APC: variants seen among roughly 807,000 people sequenced by gnomAD.
APC encodes the protein APC regulator of Wnt signaling pathway.
A neutral mutation model predicts 247.0 loss-of-function variants in APC; 72 were observed. The observed-to-expected ratio is 0.29, with a 90% confidence interval of 0.24 to 0.35. APC has a LOEUF of 0.35. Ranked by LOEUF, APC falls within the 10% of genes least tolerant of loss-of-function variation. The pLI is 1.00. For synonymous variants in APC, 1,254 were observed against 1,162.5 expected (o/e 1.08, Z -1.60); for missense variants, 3,400 against 3,360.7 (o/e 1.01, Z -0.29).
rs750939013 is a variant in APC, at chr5:112,843,764, T to C, written c.8170T>C (p.Ser2724Pro). 1.2e-6 allele frequency: 2 copies of C among 1,613,924 alleles called. No homozygotes were observed. Among genetic ancestry groups the C allele is most frequent in the South Asian group, 2.2e-5 (2 of 91,072 alleles). Residue 2724 changes from serine (S) to proline (P), a missense_variant, in exon 16 of 16, where the codon TCC (serine) becomes CCC (proline). Transcript: ENST00000257430. This position sits in a 1 kb window ranked among gnomAD's most constrained non-coding sequence, Gnocchi z 4.8. The stretch of plus-strand genomic sequence containing the variant: ...CGTGGGTTTGGAAAATCGCCTGAAC[T>C]CCTTTATTCAGGTGGATGCCCCTGA... ...RTVGLENRLN[S>P]FIQVDAPDQK...
intron 11 of APC, among the ~76,000 whole-genome samples, chr5:112,825,422 G>T (rs987337695): frequency 2.6e-5 from 4 of 152,144 alleles, no homozygotes; most frequent in Non-Finnish European, 5.9e-5. Flanking sequence ...ATGTGATCCG[G>T]CATCTACCCA....
chr5:112,817,578 A>G (rs1295817584), intron 9 of APC, among the ~76,000 whole-genome samples: 1 of 152,212 alleles, frequency 6.6e-6, no homozygotes, highest in Non-Finnish European at 1.5e-5. Context: ...CTCAACATGT[A>G]GTTTTTACTA....
rs756859993 is a variant in APC at position 112,837,578 on chromosome 5, C to T, written c.1984C>T (p.Leu662=). The change falls in exon 16 of 16, where the codon CTA becomes TTA. Residue 662 remains leucine (L), a synonymous_variant. Coordinates refer to ENST00000257430, the MANE Select transcript of APC (RefSeq NM_000038.6). ...HRQILRENNC[L]QTLLQHLKSH... Reference sequence around the variant, plus strand: ...GCAAATCCTAAGAGAGAACAACTGTCTACAAACTTTATTACAACACTTAAA... The same window carrying T: ...GCAAATCCTAAGAGAGAACAACTGTTTACAAACTTTATTACAACACTTAAA... The T allele has an allele frequency of 6.2e-7, 1 of 1,612,916 alleles. No individual in the cohort carries two copies. Among genetic ancestry groups the T allele is most frequent in the Non-Finnish European group, 8.5e-7 (1 of 1,179,034 alleles).
At chr5:112,787,044 CG>C (rs771549635) in intron 6 of APC, among the ~76,000 whole-genome samples, 1 of 151,996 alleles carries the variant, frequency 6.6e-6, no homozygotes, top group African/African-American at 2.4e-5. Context: ...TGTGCCACCA[CG>C]CCTGGCTAAT....
chr5:112,842,825 A>G lies in APC; in HGVS notation c.7231A>G (p.Asn2411Asp), dbSNP rs1229029812. Residue 2411 changes from asparagine to aspartate, a missense_variant, in exon 16 of 16, where the codon AAT becomes GAT. By Grantham distance (23) the Asn-to-Asp change is conservative. Around this residue, in one of 9 missense-constraint regions of APC, gnomAD observed 1,788 missense variants for 1,649.5 expected, o/e 1.08. Transcript: ENST00000257430. The part of the protein sequence containing the change: ...LNQMNNGNGA[N>D]KKVELSRMSS... The stretch of plus-strand genomic sequence containing the variant: ...TCAGATGAATAATGGTAATGGAGCC[A>G]ATAAAAAGGTAGAACTTTCTAGAAT... 1 of 1,613,672 alleles carries G rather than the reference A, an allele frequency of 6.2e-7. No homozygotes were observed. Among genetic ancestry groups the G allele is most frequent in the African/African-American group, 1.3e-5 (1 of 74,926 alleles).
rs78434833 is a variant in APC at position 112,787,169 on chromosome 5, T to C, written c.646-5277T>C. ...TCCCAAAATGTTGAGATTACAGGCGTGAGCCACCACTCTCGGCCTCAACCG... is the reference window on the plus strand; with the variant it reads ...TCCCAAAATGTTGAGATTACAGGCGCGAGCCACCACTCTCGGCCTCAACCG... On this transcript the variant is annotated intron_variant, in intron 6 of 15. Coordinates refer to ENST00000257430, the MANE Select transcript of APC (RefSeq NM_000038.6). Among the ~76,000 whole-genome samples the C allele has an allele frequency of 4.6e-5, 7 of 152,272 alleles. No individual in the cohort carries two copies. In the East Asian group the frequency reaches 1.2e-3, roughly 25 times the overall value.
At chr5:112,791,776 T>C (rs368566409) in intron 6 of APC, among the ~76,000 whole-genome samples, 1 of 152,366 alleles carries the variant, frequency 6.6e-6, no homozygotes. Context: ...AAAGATTAAA[T>C]GCAGGTGTAA....
intron 6 of APC, among the ~76,000 whole-genome samples, chr5:112,784,038 A>G (rs1183806467): frequency 6.6e-6 from 1 of 151,994 alleles, no homozygotes; most frequent in African/African-American, 2.4e-5. Flanking sequence ...GAAAGTAAAA[A>G]CATCATCTAC....
At position 112,839,248 on chromosome 5, in the gene APC, G is replaced by T. The variant is rs772743023; in HGVS notation, c.3654G>T (p.Thr1218=). The T allele has an allele frequency of 1.2e-6, 2 of 1,614,012 alleles. No homozygotes were observed. The highest frequency in any genetic ancestry group is 1.3e-5 in the African/African-American group (1 of 74,934). The change falls in exon 16 of 16, where the codon ACG becomes ACT. Residue 1218 remains threonine, a synonymous_variant. Transcript: ENST00000257430. The surrounding 1 kb of genome is among the most constrained non-coding windows in gnomAD (Gnocchi z 5.0). ...ATATGTCTTCAAGCAGTGAGAATAC[G>T]TCCACACCTTCATCTAATGCCAAGA... The part of the protein sequence containing the change: ...TEHMSSSSEN[T]STPSSNAKRQ...
intron 1 of APC, among the ~76,000 whole-genome samples, chr5:112,712,275 T>C (rs533344563): frequency 6.6e-6 from 1 of 152,306 alleles, no homozygotes; most frequent in Non-Finnish European, 1.5e-5. Context: ...CTACTTCCAT[T>C]TCCTCCTGTA....
chr5:112,758,705 C>T lies in APC; in HGVS notation c.135+3680C>T, dbSNP rs1198010189. Among the ~76,000 whole-genome samples the T allele has an allele frequency of 4.0e-5, 6 of 151,776 alleles. 1 individual carries two copies. The highest frequency in any genetic ancestry group is 1.5e-4 in the African/African-American group (6 of 41,276). On this transcript the variant is annotated intron_variant, in intron 2 of 15. Transcript: ENST00000257430. ...GCAGTGGCACAATTTTGGCTCACTG[C>T]AGCCTCCACCTCCTGGGCTCCCAGA...
chr5:112,777,249 T>A (rs1014328756), intron 5 of APC, among the ~76,000 whole-genome samples: 2 of 152,108 alleles, frequency 1.3e-5, no homozygotes, highest in African/African-American at 4.8e-5. Context: ...AGGAAAACAT[T>A]TACGTGTGCA....
At chr5:112,810,251 T>G in intron 8 of APC, 1 of 398,670 alleles carries the variant, frequency 2.5e-6, no homozygotes, top group South Asian at 1.9e-5. Flanking sequence ...GGGATGGACC[T>G]TAGATAGGAG....
In APC at chr5:112,840,448, A is replaced by G. The variant is rs377666490; in HGVS notation, c.4854A>G (p.Leu1618=). The G allele has an allele frequency of 3.7e-6, 6 of 1,614,082 alleles. No individual in the cohort carries two copies. The highest frequency in any genetic ancestry group is 5.1e-6 in the Non-Finnish European group (6 of 1,180,040). Residue 1618 remains leucine, a synonymous_variant, in exon 16 of 16, where the codon CTA becomes CTG. Coordinates refer to ENST00000257430, the MANE Select transcript of APC (RefSeq NM_000038.6). The surrounding 1 kb of genome is among the most constrained non-coding windows in gnomAD (Gnocchi z 4.1). ...GTCAGCTGCCTGTGTACAAACTTCT[A>G]CCATCACAAAACAGGTTGCAACCCC... ...KPSQLPVYKL[L]PSQNRLQPQK...
chr5:112,810,552 C>T (rs1287237059), intron 8 of APC, among the ~76,000 whole-genome samples: 1 of 152,140 alleles, frequency 6.6e-6, no homozygotes, highest in East Asian at 1.9e-4. Flanking sequence ...ATATCGACAG[C>T]ATCCTAAAGA....
intron 7 of APC, among the ~76,000 whole-genome samples, chr5:112,799,876 C>T (rs1466298832): frequency 2.0e-5 from 3 of 152,156 alleles, no homozygotes; most frequent in Admixed American, 6.5e-5. Context: ...CCAGAACACT[C>T]ATCCTCTACT....
chr5:112,819,458 A>G (rs1345000742), intron 10 of APC, 114 bp downstream of exon 10: 8 of 1,348,720 alleles, frequency 5.9e-6, no homozygotes, highest in Admixed American at 5.8e-5. Context: ...GAGAAAATTC[A>G]TATCAGCCAT....
chr5:112,806,046 C>T (rs1761345832), intron 8 of APC, among the ~76,000 whole-genome samples: 1 of 152,168 alleles, frequency 6.6e-6, no homozygotes, highest in Admixed American at 6.5e-5. Context: ...TTTACTGGGC[C>T]TTCTCCTACC....
Position 112,767,389 on chromosome 5 carries a change from A to C in APC, c.421A>C (p.Arg141=), listed in dbSNP as rs1561465195. Residue 141 remains arginine, a splice_region_variant and synonymous_variant, in exon 4 of 16, where the codon AGG becomes CGG. Coordinates refer to ENST00000257430, the MANE Select transcript of APC (RefSeq NM_000038.6). ...TGYLEELEKE[R]SLLLADLDKE... Reference sequence around the variant, plus strand: ...ATATTTAGAAGAACTTGAGAAAGAGAGGTAACTTTTCTTCATATAGTAAAC... The same window carrying C: ...ATATTTAGAAGAACTTGAGAAAGAGCGGTAACTTTTCTTCATATAGTAAAC... The C allele has an allele frequency of 6.2e-7, 1 of 1,612,526 alleles. No homozygotes were observed. The highest frequency in any genetic ancestry group is 8.5e-7 in the Non-Finnish European group (1 of 1,178,582).
Sources: allele counts gnomAD v4.1 joint callset (sites outside exome capture counted in the v4.1 genomes callset), GRCh38; gene constraint gnomAD v4.1.1; regional missense constraint gnomAD v4.1.1; non-coding constraint Gnocchi (gnomAD v3.1); transcripts MANE v1.5; gene names NCBI Gene and HGNC (gene_info 2026-07-23, HGNC 2026-07-21).